Variants in SYT9 observed in about 807,000 individuals in gnomAD.
The protein encoded by SYT9 is synaptotagmin-9.
SYT9 carries 22 observed loss-of-function variants against 48.4 expected under a neutral mutation model. The ratio of observed to expected loss-of-function variants is 0.45; its 90% CI spans 0.32 to 0.65. SYT9 has a LOEUF of 0.65. Among genes scored for constraint, SYT9 ranks in the 30% least tolerant of loss-of-function variants. The pLI is 0.03. For missense variants in SYT9, 577 were observed against 622.0 expected, an observed-to-expected ratio of 0.93 and a Z score of 0.77; for synonymous variants, 265 against 245.0, an observed-to-expected ratio of 1.08 and a Z score of -0.76.
At chr11:7,288,643 T>C (rs1213289337) in intron 1 of SYT9, among the ~76,000 whole-genome samples, 2 of 152,256 alleles carry the variant, frequency 1.3e-5, no homozygotes, top group Admixed American at 1.3e-4. Flanking sequence ...TTGGCTTTGC[T>C]GTCTTTCATC....
At chr11:7,367,248 ATTTT>A (rs71056801) in intron 3 of SYT9, among the ~76,000 whole-genome samples, 1 of 131,178 alleles carries the variant, frequency 7.6e-6, no homozygotes, top group Non-Finnish European at 1.6e-5. Flanking sequence ...CGCCCGGCTA[ATTTT>A]TTTTTTTTTT....
intron 1 of SYT9, among the ~76,000 whole-genome samples, chr11:7,259,424 C>T (rs1434513860): frequency 1.3e-5 from 2 of 151,854 alleles, no homozygotes; most frequent in African/African-American, 4.8e-5. Flanking sequence ...TATTTATAGT[C>T]CCCTGTTTCC....
intron 3 of SYT9, among the ~76,000 whole-genome samples, chr11:7,354,914 A>G (rs1453742239): frequency 6.6e-6 from 1 of 152,040 alleles, no homozygotes; most frequent in Non-Finnish European, 1.5e-5. Flanking sequence ...CACAGATGCT[A>G]TGGTACCATT....
At chr11:7,248,176 G>GT (rs1195596556), upstream of SYT9, among the ~76,000 whole-genome samples, 8 of 151,734 alleles carry the variant, frequency 5.3e-5, no homozygotes, top group African/African-American at 1.5e-4. Context: ...GGGATTGTTT[G>GT]TTTTTTTCGT....
intron 3 of SYT9, among the ~76,000 whole-genome samples, chr11:7,392,284 A>G (rs1421398031): frequency 1.3e-5 from 2 of 152,120 alleles, no homozygotes; most frequent in Non-Finnish European, 2.9e-5. Flanking sequence ...ATTTTTGTAT[A>G]TTATGATAGA....
At chr11:7,418,545 T>G (rs1365499986) in intron 5 of SYT9, among the ~76,000 whole-genome samples, 1 of 152,242 alleles carries the variant, frequency 6.6e-6, no homozygotes, top group Non-Finnish European at 1.5e-5. Flanking sequence ...CGCCAGACCA[T>G]CAACATTTCC....
At chr11:7,406,977 C>A (rs945778902) in intron 3 of SYT9, among the ~76,000 whole-genome samples, 2 of 152,042 alleles carry the variant, frequency 1.3e-5, no homozygotes, top group African/African-American at 4.8e-5. Flanking sequence ...AACTTCTTGG[C>A]CATTTGTATG....
chr11:7,373,240 C>A (rs1850394562), intron 3 of SYT9, among the ~76,000 whole-genome samples: 1 of 151,994 alleles, frequency 6.6e-6, no homozygotes, highest in South Asian at 2.1e-4. Context: ...TTGTTTTGTG[C>A]ATCTTTGTCT....
chr11:7,360,707 C>T (rs979454632), intron 3 of SYT9, among the ~76,000 whole-genome samples: 6 of 152,164 alleles, frequency 3.9e-5, no homozygotes, highest in African/African-American at 1.4e-4. Flanking sequence ...ATTTTCCTCT[C>T]TCCTACTGTT....
intron 3 of SYT9, among the ~76,000 whole-genome samples, chr11:7,354,095 G>C (rs1254399429): frequency 6.6e-6 from 1 of 152,142 alleles, no homozygotes; most frequent in Non-Finnish European, 1.5e-5. Flanking sequence ...AATTAAAAGA[G>C]GGTACCTGTG....
chr11:7,305,416 A>G (rs1240058493), intron 2 of SYT9, among the ~76,000 whole-genome samples: 1 of 152,230 alleles, frequency 6.6e-6, no homozygotes, highest in African/African-American at 2.4e-5. Context: ...CTGGAAATAT[A>G]TATCCTTGTC....
chr11:7,270,832 GACACACACACACACACACAC>G (rs56891844), intron 1 of SYT9, among the ~76,000 whole-genome samples: 1 of 147,176 alleles, frequency 6.8e-6, no homozygotes, highest in Non-Finnish European at 1.5e-5. Context: ...ACAAGACACA[GACACACACACACACACACAC>G]ACACACACAC....
At chr11:7,364,265 C>A (rs889802505) in intron 3 of SYT9, among the ~76,000 whole-genome samples, 2 of 152,112 alleles carry the variant, frequency 1.3e-5, no homozygotes, top group East Asian at 1.9e-4. Flanking sequence ...ATGTTGGCAG[C>A]GAGTTAAGGC....
chr11:7,349,382 A>AACACACACACACACACACACACACAC (rs71056799), intron 3 of SYT9, among the ~76,000 whole-genome samples: 1 of 148,160 alleles, frequency 6.7e-6, no homozygotes, highest in East Asian at 2.0e-4. Flanking sequence ...AAAATATACA[A>AACACACACACACACACACACACACAC]ACACACACAC....
At chr11:7,449,693 CA>C in intron 6 of SYT9, among the ~76,000 whole-genome samples, 1 of 152,102 alleles carries the variant, frequency 6.6e-6, no homozygotes, top group Non-Finnish European at 1.5e-5. Flanking sequence ...TCTCAAGGGG[CA>C]AAGTCTGCTT....
At chr11:7,310,489 C>A (rs1350500317) in intron 2 of SYT9, among the ~76,000 whole-genome samples, 1 of 146,926 alleles carries the variant, frequency 6.8e-6, no homozygotes, top group Non-Finnish European at 1.5e-5. Flanking sequence ...CCCTGTCGCC[C>A]AGGCTGGAGT....
At position 7,420,510 on chromosome 11, in the gene SYT9, G is replaced by A; in HGVS notation, c.1342G>A (p.Gly448Ser). 1 of 1,614,106 alleles carries A rather than the reference G, an allele frequency of 6.2e-7. No individual in the cohort carries two copies. The highest frequency in any genetic ancestry group is 1.3e-5 in the African/African-American group (1 of 75,030). Reference protein sequence around the residue: ...SIAVMDYDRVGHNEIIGVCQV... With the variant: ...SIAVMDYDRVSHNEIIGVCQV... ...TATTGTGGGCCATTTTCACAGTGTA[G>A]GTCACAATGAGATCATCGGCGTGTG... Residue 448 changes from glycine to serine, a missense_variant, in exon 6 of 7, where the codon GGT becomes AGT. Gly to Ser is a moderately conservative substitution (Grantham distance 56). Coordinates refer to ENST00000318881, the MANE Select transcript of SYT9 (RefSeq NM_175733.4).
At chr11:7,244,319 C>G (rs1403142676) in intron 1 of SYT9, among the ~76,000 whole-genome samples, 1 of 152,178 alleles carries the variant, frequency 6.6e-6, no homozygotes, top group Non-Finnish European at 1.5e-5. Context: ...ACCAGAACAA[C>G]TGCTACTGGA....
chr11:7,307,465 C>G (rs10500692), intron 2 of SYT9, among the ~76,000 whole-genome samples: 54,506 of 152,020 alleles, frequency 0.36, 10,095 homozygotes, highest in African/African-American at 0.45. Context: ...GTTTTCTCTA[C>G]TGGGATTAAA....
Sources: gnomAD v4.1 joint callset for allele counts (sites outside exome capture counted in the v4.1 genomes callset) on GRCh38, gnomAD v4.1.1 for gene constraint, MANE v1.5 for transcripts, NCBI Gene and HGNC (gene_info 2026-07-23, HGNC 2026-07-21) for gene names.